INO80: variants seen among roughly 807,000 people sequenced by gnomAD.
INO80 encodes INO80 complex ATPase subunit.
INO80 carries 20 observed loss-of-function variants against 203.4 expected under a neutral mutation model. The observed-to-expected ratio is 0.10, with a 90% CI of 0.07 to 0.14. INO80 has a LOEUF of 0.14. Among genes scored for constraint, INO80 ranks in the 10% least tolerant of loss-of-function variants. The pLI is 1.00. For synonymous variants in INO80, 726 were observed against 685.2 expected (o/e 1.06, Z -0.93); for missense variants, 1,419 against 1,914.4 (o/e 0.74, Z 4.83).
chr15:41,056,362 A>G (rs7172580), intron 17 of INO80, among the ~76,000 whole-genome samples: 4,098 of 152,332 alleles, frequency 0.027, 174 homozygotes, highest in African/African-American at 0.093. Flanking sequence ...ACGTCTCTGC[A>G]TTAAATGTTT....
At chr15:41,103,143 A>G (rs1375164757) in intron 1 of INO80, among the ~76,000 whole-genome samples, 2 of 152,310 alleles carry the variant, frequency 1.3e-5, no homozygotes, top group East Asian at 3.9e-4. Flanking sequence ...CTCAAAATCT[A>G]TGAATCATTT....
At chr15:41,066,846 C>CAAAAAAAAAAAAAAAAAAAA (rs58118605) in intron 14 of INO80, among the ~76,000 whole-genome samples, 16 of 70,578 alleles carry the variant, frequency 2.3e-4, no homozygotes, top group East Asian at 4.8e-4. Context: ...AAAAAAAAAG[C>CAAAAAAAAAAAAAAAAAAAA]AAAAAAAAAA....
Position 41,096,046 on chromosome 15 carries a change from T to A in INO80, c.144-118A>T, listed in dbSNP as rs890505864. 18 of 1,415,240 alleles carry A rather than the reference T, an allele frequency of 1.3e-5. No individual in the cohort carries two copies. In the African/African-American group the frequency reaches 2.6e-4, roughly 20 times the overall value. The allele number at this position is 1,415,240 out of a possible 1,614,324, so 87.7% of individuals were successfully genotyped here. A position where few individuals can be genotyped will look rare whatever the true frequency, so the allele number is the denominator to read the frequency against. Reference sequence around the variant, plus strand: ...TCTGAAATAAATTGACTTTTTTATTTGAAAGAGGCAAAAGAAAATATCAAA... The same window carrying A: ...TCTGAAATAAATTGACTTTTTTATTAGAAAGAGGCAAAAGAAAATATCAAA... On this transcript the variant is annotated intron_variant, in intron 2 of 35. Coordinates refer to ENST00000648947, the MANE Select transcript of INO80 (RefSeq NM_017553.3).
chr15:41,057,829 GA>G (rs2045021654), intron 16 of INO80, among the ~76,000 whole-genome samples: 1 of 131,186 alleles, frequency 7.6e-6, no homozygotes, highest in African/African-American at 2.9e-5. Context: ...AAGAAAGAAA[GA>G]AAAGAATAGA....
chr15:41,023,000 C>A (rs1196353981), intron 25 of INO80, among the ~76,000 whole-genome samples: 1 of 151,186 alleles, frequency 6.6e-6, no homozygotes, highest in Non-Finnish European at 1.5e-5. Flanking sequence ...AGTTGGGAGG[C>A]TGAGGCACAA....
chr15:41,071,586 C>T (rs2045317835), intron 12 of INO80, among the ~76,000 whole-genome samples: 1 of 151,582 alleles, frequency 6.6e-6, no homozygotes, highest in Admixed American at 6.6e-5. Context: ...TCCCAAGTAG[C>T]TGGGATCACA....
At chr15:41,059,416 G>C (rs370385157) in intron 15 of INO80, among the ~76,000 whole-genome samples, 1 of 151,202 alleles carries the variant, frequency 6.6e-6, no homozygotes, top group African/African-American at 2.4e-5. Context: ...CTTAAGCCCA[G>C]GAGTTTGAGA....
chr15:41,031,165 C>T (rs548389778), intron 24 of INO80, among the ~76,000 whole-genome samples: 22 of 152,224 alleles, frequency 1.4e-4, no homozygotes, highest in African/African-American at 5.3e-4. Context: ...TTTCTAGATT[C>T]TTTTCTCTTA....
intron 9 of INO80, among the ~76,000 whole-genome samples, chr15:41,077,537 C>T (rs1217655813): frequency 6.6e-6 from 1 of 152,076 alleles, no homozygotes; most frequent in Non-Finnish European, 1.5e-5. Flanking sequence ...GTTCATGTTT[C>T]AAACCTAAAG....
intron 23 of INO80, among the ~76,000 whole-genome samples, chr15:41,046,730 G>C (rs1443376839): frequency 6.6e-6 from 1 of 151,876 alleles, no homozygotes; most frequent in Non-Finnish European, 1.5e-5. Flanking sequence ...CAATTCTCCT[G>C]CCTCGGCCTC....
intron 5 of INO80, among the ~76,000 whole-genome samples, chr15:41,088,384 T>C (rs913771566): frequency 6.6e-6 from 1 of 152,048 alleles, no homozygotes; most frequent in African/African-American, 2.4e-5. Flanking sequence ...GATTAACAAG[T>C]GTGAGCCACT....
intron 24 of INO80, among the ~76,000 whole-genome samples, chr15:41,030,874 A>AC (rs2044449229): frequency 6.7e-6 from 1 of 149,950 alleles, no homozygotes; most frequent in Non-Finnish European, 1.5e-5. Flanking sequence ...GTTTCACCAT[A>AC]TTGGCCCGGC....
chr15:41,104,162 G>T lies in INO80; in HGVS notation c.-43-7809C>A, dbSNP rs543225165. On this transcript the variant is annotated intron_variant, in intron 1 of 35. Transcript: ENST00000648947. The stretch of plus-strand genomic sequence containing the variant: ...CTTGAACCCAGGAGGCAGAGGTTGC[G>T]GTCACTGCACTCCAGCCTGGGCAAT... 1.7e-4 allele frequency among the ~76,000 whole-genome samples: 24 copies of T among 144,058 alleles called. No homozygotes were observed. In the Admixed American group the frequency reaches 1.7e-3, roughly 10 times the overall value. 94.5% of individuals were successfully genotyped at this position (144,058 alleles called of 152,430 possible).
At chr15:41,061,450 CAAAAAAAA>C (rs980593225) in intron 14 of INO80, among the ~76,000 whole-genome samples, 2 of 66,916 alleles carry the variant, frequency 3.0e-5, no homozygotes, top group East Asian at 5.3e-4. Flanking sequence ...ACCAAAAATA[CAAAAAAAA>C]AAAAAAAAAA....
At chr15:41,049,874 A>G in intron 20 of INO80, 61 bp downstream of exon 20, 1 of 1,485,358 alleles carries the variant, frequency 6.7e-7, no homozygotes, top group Non-Finnish European at 9.3e-7. Context: ...CAACAGAGCA[A>G]GACAATTCTA....
chr15:40,991,455 T>G (rs1596238875), intron 29 of INO80, among the ~76,000 whole-genome samples: 1 of 151,990 alleles, frequency 6.6e-6, no homozygotes, highest in African/African-American at 2.4e-5. Flanking sequence ...TGCACCACTG[T>G]GGAACAGGGA....
At chr15:41,080,429 T>C (rs2045468712) in intron 8 of INO80, among the ~76,000 whole-genome samples, 1 of 152,214 alleles carries the variant, frequency 6.6e-6, no homozygotes, top group Non-Finnish European at 1.5e-5. Flanking sequence ...AGGGAAGGTA[T>C]TCACATCATT....
chr15:41,095,215 C>T (rs1199653017), intron 4 of INO80, among the ~76,000 whole-genome samples: 5 of 152,138 alleles, frequency 3.3e-5, no homozygotes, highest in South Asian at 4.1e-4. Flanking sequence ...GTGGCGCATG[C>T]CTGTAATCCC....
chr15:41,051,785 C>CCAGG (rs2044876356), intron 19 of INO80, among the ~76,000 whole-genome samples: 2 of 152,056 alleles, frequency 1.3e-5, no homozygotes, highest in Non-Finnish European at 2.9e-5. Flanking sequence ...GGTGAAACCT[C>CCAGG]ATCTCTACTA....
Sources: allele counts gnomAD v4.1 joint callset (sites outside exome capture counted in the v4.1 genomes callset), GRCh38; gene constraint gnomAD v4.1.1; transcripts MANE v1.5; gene names NCBI Gene and HGNC (gene_info 2026-07-23, HGNC 2026-07-21).